WIZ: variants seen among roughly 807,000 people sequenced by gnomAD.
WIZ encodes protein Wiz.
A neutral mutation model predicts 140.2 loss-of-function variants in WIZ; 25 were observed. The ratio of observed to expected loss-of-function variants is 0.18; its 90% confidence interval spans 0.13 to 0.25. WIZ has a LOEUF of 0.25. WIZ is among the 10% of genes least tolerant of loss of function. The pLI is 1.00. For synonymous variants in WIZ, 1,125 were observed against 1,154.3 expected (o/e 0.97, Z 0.51); for missense variants, 2,231 against 2,632.6 (o/e 0.85, Z 3.34).
chr19:15,442,184 C>CA lies in WIZ; in HGVS notation c.278+491dup, dbSNP rs34791443. 5.5e-3 allele frequency among the ~76,000 whole-genome samples: 737 copies of CA among 134,690 alleles called. 13 individuals are homozygous for CA. Among genetic ancestry groups the CA allele is most frequent in the East Asian group, 0.051 (235 of 4,650 alleles). 88.4% of individuals were successfully genotyped at this position (134,690 alleles called of 152,430 possible). A position where few individuals can be genotyped will look rare whatever the true frequency, so the allele number is the denominator to read the frequency against. On this transcript the variant is annotated intron_variant, in intron 3 of 12. Transcript: ENST00000673675. The surrounding 1 kb of genome is among the most constrained non-coding windows in gnomAD (Gnocchi z 5.5). ...CCTGGGCGATAGAGTGAGACTTTCT[C>CA]AAAAAAAAAAAAAAAAGATGACTAT...
rs1015926355 is a variant in WIZ, at chr19:15,438,991, A to G, written c.2003T>C (p.Val668Ala). The G allele has an allele frequency of 5.4e-6, 8 of 1,474,350 alleles. No individual in the cohort carries two copies. Among genetic ancestry groups the G allele is most frequent in the Non-Finnish European group, 4.5e-6 (5 of 1,116,002 alleles). 91.3% of individuals were successfully genotyped at this position (1,474,350 alleles called of 1,614,324 possible). ...CTGCTGCTGCCCCTGGGTGGCCTCT[A>G]CTGCCTGCAGGGCCTCTCGGAATGC... ...KQAFREALQA[V>A]EATQGQQQQL... is the part of the protein sequence containing the mutation. The change falls in exon 4 of 13, where the codon GTA becomes GCA. Residue 668 changes from valine (V) to alanine (A), a missense_variant. Around this residue, in one of 15 missense-constraint regions of WIZ, gnomAD observed 475 missense variants for 520.2 expected, o/e 0.91. Coordinates refer to ENST00000673675, the MANE Select transcript of WIZ (RefSeq NM_001371589.1).
chr19:15,426,883 C>CG, intron 9 of WIZ, 99 bp downstream of exon 9: 9 of 1,425,904 alleles, frequency 6.3e-6, no homozygotes, highest in South Asian at 1.4e-5. Flanking sequence ...CGTGTCCTCC[C>CG]TTCCAATTCA....
chr19:15,429,670 T>C lies in WIZ; in HGVS notation c.3331A>G (p.Ser1111Gly). The change falls in exon 7 of 13, where the codon AGC (serine) becomes GGC (glycine). Residue 1111 changes from serine to glycine, a missense_variant. Coordinates refer to ENST00000673675, the MANE Select transcript of WIZ (RefSeq NM_001371589.1). ...CGGGGGCTCAGGGACAGCTGGGGGCTCTTGTCCTCAGGATTCTTAGGGGTA... is the reference window on the plus strand; with the variant it reads ...CGGGGGCTCAGGGACAGCTGGGGGCCCTTGTCCTCAGGATTCTTAGGGGTA... ...SPTPKNPEDK[S>G]PQLSLSPRPA... The C allele has an allele frequency of 1.4e-6, 2 of 1,429,734 alleles. No individual in the cohort carries two copies. The highest frequency in any genetic ancestry group is 1.8e-6 in the Non-Finnish European group (2 of 1,094,916). The allele number at this position is 1,429,734 out of a possible 1,614,324, so 88.6% of individuals were successfully genotyped here.
In WIZ at chr19:15,424,554, G is replaced by A. The variant is rs557932324; in HGVS notation, c.5314+59C>T. 1.9e-4 allele frequency: 291 copies of A among 1,535,864 alleles called. No homozygotes were observed. The highest frequency in any genetic ancestry group is 1.1e-3 in the South Asian group (93 of 81,408). ...GCCACAGCAGAGCGCCTGGGGAGTG[G>A]CTGGGTGGGCCTGACAGGTGCCCGC... On this transcript the variant is annotated intron_variant, in intron 11 of 12. Coordinates refer to ENST00000673675, the MANE Select transcript of WIZ (RefSeq NM_001371589.1). The surrounding 1 kb of genome is among the most constrained non-coding windows in gnomAD (Gnocchi z 9.7).
Position 15,439,234 on chromosome 19 carries a change from G to C in WIZ, c.1760C>G (p.Ser587Cys). 1 of 1,535,680 alleles carries C rather than the reference G, an allele frequency of 6.5e-7. No homozygotes were observed. Among genetic ancestry groups the C allele is most frequent in the Non-Finnish European group, 8.7e-7 (1 of 1,146,636 alleles). Residue 587 changes from serine (S) to cysteine (C), a missense_variant, in exon 4 of 13, where the codon TCC becomes TGC. Physicochemically the swap from Ser to Cys is moderately radical, Grantham distance 112. This residue lies in a region of WIZ where 475 missense variants were observed against 520.2 expected (regional missense o/e 0.91). Coordinates refer to ENST00000673675, the MANE Select transcript of WIZ (RefSeq NM_001371589.1). This position sits in a 1 kb window ranked among gnomAD's most constrained non-coding sequence, Gnocchi z 7.0. Reference protein sequence around the residue: ...GRLAFPSTLASTPYSLQLGRN... With the variant: ...GRLAFPSTLACTPYSLQLGRN... ...CCCGAGCTGTAAGGAGTAGGGGGTGGATGCTAGTGTGGAGGGAAAGGCCAG... is the reference window on the plus strand; with the variant it reads ...CCCGAGCTGTAAGGAGTAGGGGGTGCATGCTAGTGTGGAGGGAAAGGCCAG...
At chr19:15,436,300 G>C (rs1010385164) in intron 5 of WIZ, among the ~76,000 whole-genome samples, 8 of 152,200 alleles carry the variant, frequency 5.3e-5, no homozygotes, top group African/African-American at 1.9e-4. Context: ...ATACAACAAT[G>C]CTTCTCAAGA....
Position 15,425,036 on chromosome 19 carries a change from C to T in WIZ, c.4895-4G>A, listed in dbSNP as rs760550569. On this transcript the variant is annotated splice_polypyrimidine_tract_variant and splice_region_variant and intron_variant, in intron 10 of 12. Coordinates refer to ENST00000673675, the MANE Select transcript of WIZ (RefSeq NM_001371589.1). Reference sequence around the variant, plus strand: ...AGCTCGCAGCAGGCCTCGGTGGCTGCGGGGCGGAGGGGGTGCTGCTGAGTC... The same window carrying T: ...AGCTCGCAGCAGGCCTCGGTGGCTGTGGGGCGGAGGGGGTGCTGCTGAGTC... 6.0e-5 allele frequency: 94 copies of T among 1,569,100 alleles called. No individual in the cohort carries two copies. The highest frequency in any genetic ancestry group is 7.7e-5 in the Non-Finnish European group (89 of 1,160,776).
At position 15,448,319 on chromosome 19, in the gene WIZ, T is replaced by C. The variant is rs1448094614; in HGVS notation, c.-12A>G. The stretch of plus-strand genomic sequence containing the variant: ...AGAGACCCCTCCATCGGATTTTCTC[T>C]GCTTGGATCCACTCAGCTGCTGCAC... On this transcript the variant is annotated 5_prime_UTR_variant, in exon 2 of 13. Coordinates refer to ENST00000673675, the MANE Select transcript of WIZ (RefSeq NM_001371589.1). 1.2e-6 allele frequency: 2 copies of C among 1,610,670 alleles called. No individual in the cohort carries two copies. The highest frequency in any genetic ancestry group is 3.3e-5 in the Admixed American group (2 of 59,946).
chr19:15,427,547 A>C lies in WIZ; in HGVS notation c.3815-14T>G. 1 of 1,596,484 alleles carries C rather than the reference A, an allele frequency of 6.3e-7. No homozygotes were observed. Among genetic ancestry groups the C allele is most frequent in the Non-Finnish European group, 8.6e-7 (1 of 1,168,916 alleles). On this transcript the variant is annotated splice_polypyrimidine_tract_variant and intron_variant, in intron 8 of 12. Coordinates refer to ENST00000673675, the MANE Select transcript of WIZ (RefSeq NM_001371589.1). This position sits in a 1 kb window ranked among gnomAD's most constrained non-coding sequence, Gnocchi z 6.4. ...CTGGGCCTGAGGCTGCAGCAGGAGGAGAAAGGGGCAGTTAGCATCGTGGAA... is the reference window on the plus strand; with the variant it reads ...CTGGGCCTGAGGCTGCAGCAGGAGGCGAAAGGGGCAGTTAGCATCGTGGAA...
rs545538579 is a variant in WIZ, at chr19:15,432,040, G to C, written c.2741-858C>G. Among the ~76,000 whole-genome samples, 3 of 152,300 alleles carry C rather than the reference G, an allele frequency of 2.0e-5. No homozygotes were observed. In the East Asian group the frequency reaches 5.8e-4, roughly 29 times the overall value. On this transcript the variant is annotated intron_variant, in intron 5 of 12. Transcript: ENST00000673675. Reference sequence around the variant, plus strand: ...CATGTAGGTTCTATGCTCAGTTTGAGTCTCGCAGAAGCAAAGAGTAGGCGC... The same window carrying C: ...CATGTAGGTTCTATGCTCAGTTTGACTCTCGCAGAAGCAAAGAGTAGGCGC...
rs1458205876 is a variant in WIZ, at chr19:15,439,260, C to T, written c.1734G>A (p.Arg578=). ...ATGCTAGTGTGGAGGGAAAGGCCAG[C>T]CTTCCGAGAGGCCTCTGGCCCGTGC... ...LHGTGQRPLG[R]LAFPSTLAST... is the part of the protein sequence containing the mutation. The change falls in exon 4 of 13, where the codon AGG becomes AGA. Residue 578 remains arginine (R), a synonymous_variant. Transcript: ENST00000673675. This position sits in a 1 kb window ranked among gnomAD's most constrained non-coding sequence, Gnocchi z 7.0. 2 of 1,534,786 alleles carry T rather than the reference C, an allele frequency of 1.3e-6. No homozygotes were observed. The highest frequency in any genetic ancestry group is 3.9e-5 in the Admixed American group (2 of 50,856).
At position 15,439,577 on chromosome 19, in the gene WIZ, C is replaced by A. The variant is rs778885934; in HGVS notation, c.1417G>T (p.Ala473Ser). Residue 473 changes from alanine (A) to serine (S), a missense_variant, in exon 4 of 13, where the codon GCG becomes TCG. Physicochemically the swap from Ala to Ser is moderately conservative, Grantham distance 99. Around this residue, in one of 15 missense-constraint regions of WIZ, gnomAD observed 475 missense variants for 520.2 expected, o/e 0.91. Transcript: ENST00000673675. This position sits in a 1 kb window ranked among gnomAD's most constrained non-coding sequence, Gnocchi z 7.0. ...TCCCTGAGCAGGCTCTCGCTGGGCG[C>A]GGGGAAACCACAGAAGACACAGGCG... ...LSACVFCGFPAPSESLLREHV... is the reference protein window; with the variant it reads ...LSACVFCGFPSPSESLLREHV... 6.7e-7 allele frequency: 1 copy of A among 1,490,358 alleles called. No individual in the cohort carries two copies. Among genetic ancestry groups the A allele is most frequent in the South Asian group, 1.3e-5 (1 of 79,390 alleles). The allele number at this position is 1,490,358 out of a possible 1,614,324, so 92.3% of individuals were successfully genotyped here. A position where few individuals can be genotyped will look rare whatever the true frequency, so the allele number is the denominator to read the frequency against.
rs1969645035 is a variant in WIZ at position 15,439,423 on chromosome 19, T to G, written c.1571A>C (p.Tyr524Ser). The G allele has an allele frequency of 3.9e-6, 6 of 1,528,504 alleles. No individual in the cohort carries two copies. Among genetic ancestry groups the G allele is most frequent in the Non-Finnish European group, 1.8e-6 (2 of 1,141,938 alleles). The allele number at this position is 1,528,504 out of a possible 1,614,324, so 94.7% of individuals were successfully genotyped here. ...HACFPDTAVD[Y>S]FGKAEPSLAP... Reference sequence around the variant, plus strand: ...CAAGGACGGCTCAGCTTTGCCAAAGTAGTCCACAGCAGTGTCAGGGAAGCA... The same window carrying G: ...CAAGGACGGCTCAGCTTTGCCAAAGGAGTCCACAGCAGTGTCAGGGAAGCA... Residue 524 changes from tyrosine to serine, a missense_variant, in exon 4 of 13, where the codon TAC becomes TCC. Tyr to Ser is a moderately radical substitution (Grantham distance 144). Coordinates refer to ENST00000673675, the MANE Select transcript of WIZ (RefSeq NM_001371589.1). This position sits in a 1 kb window ranked among gnomAD's most constrained non-coding sequence, Gnocchi z 7.0.
Position 15,439,273 on chromosome 19 carries a change from C to T in WIZ, c.1721G>A (p.Arg574Lys), listed in dbSNP as rs1236144765. 2.6e-6 allele frequency: 4 copies of T among 1,534,968 alleles called. No individual in the cohort carries two copies. Among genetic ancestry groups the T allele is most frequent in the Admixed American group, 2.0e-5 (1 of 50,848 alleles). ...SKPLLHGTGQRPLGRLAFPST... is the reference protein window; with the variant it reads ...SKPLLHGTGQKPLGRLAFPST... ...GGGAAAGGCCAGCCTTCCGAGAGGC[C>T]TCTGGCCCGTGCCATGCAGGAGTGG... The change falls in exon 4 of 13, where the codon AGG becomes AAG. Residue 574 changes from arginine (R) to lysine (K), a missense_variant. Around this residue, in one of 15 missense-constraint regions of WIZ, gnomAD observed 475 missense variants for 520.2 expected, o/e 0.91. Transcript: ENST00000673675. This position sits in a 1 kb window ranked among gnomAD's most constrained non-coding sequence, Gnocchi z 7.0.
rs1290489380 is a variant in WIZ, at chr19:15,425,697, G to A, written c.4438C>T (p.Leu1480=). The change falls in exon 10 of 13, where the codon CTG becomes TTG. Residue 1480 remains leucine (L), a synonymous_variant. Transcript: ENST00000673675. ...CGEFFENRKG[L]SSHARSHLRQ... is the part of the protein sequence containing the mutation. ...AGGTGTGAGCGCGCGTGACTCGACAGGCCCTTGCGGTTCTCGAAGAACTCG... is the reference window on the plus strand; with the variant it reads ...AGGTGTGAGCGCGCGTGACTCGACAAGCCCTTGCGGTTCTCGAAGAACTCG... 1 of 1,613,026 alleles carries A rather than the reference G, an allele frequency of 6.2e-7. No homozygotes were observed. Among genetic ancestry groups the A allele is most frequent in the East Asian group, 2.2e-5 (1 of 44,826 alleles).
In WIZ at chr19:15,422,462, C is replaced by A. The variant is rs566987661; in HGVS notation, c.*614G>T. The A allele has an allele frequency of 6.6e-6, 1 of 152,140 alleles. No homozygotes were observed. Among genetic ancestry groups the A allele is most frequent in the South Asian group, 2.1e-4 (1 of 4,808 alleles). 9.4% of individuals were successfully genotyped at this position (152,140 alleles called of 1,614,324 possible). On this transcript the variant is annotated 3_prime_UTR_variant, in exon 13 of 13. Coordinates refer to ENST00000673675, the MANE Select transcript of WIZ (RefSeq NM_001371589.1). ...TCTTCCCAGCTGGGAAGGCCCCTCTCGGGGGCAGCCAACAAGGATTTCCGT... is the reference window on the plus strand; with the variant it reads ...TCTTCCCAGCTGGGAAGGCCCCTCTAGGGGGCAGCCAACAAGGATTTCCGT...
rs945309796 is a variant in WIZ, at chr19:15,442,634, C to T, written c.278+42G>A. ...CTGAGGCCTGGGCATGTCCTGCTTG[C>T]CCCCCTGCCCTCCCTGAGGTCAGGG... On this transcript the variant is annotated intron_variant, in intron 3 of 12. Transcript: ENST00000673675. The surrounding 1 kb of genome is among the most constrained non-coding windows in gnomAD (Gnocchi z 5.5). The T allele has an allele frequency of 2.1e-4, 251 of 1,216,918 alleles. No homozygotes were observed. Among genetic ancestry groups the T allele is most frequent in the Non-Finnish European group, 2.4e-4 (231 of 974,290 alleles). 75.4% of individuals were successfully genotyped at this position (1,216,918 alleles called of 1,614,324 possible).
chr19:15,424,732 C>T lies in WIZ; in HGVS notation c.5195G>A (p.Ser1732Asn). 1 of 1,572,616 alleles carries T rather than the reference C, an allele frequency of 6.4e-7. No homozygotes were observed. Residue 1732 changes from serine (S) to asparagine (N), a missense_variant, in exon 11 of 13, where the codon AGT becomes AAT. Physicochemically the swap from Ser to Asn is conservative, Grantham distance 46 (BLOSUM62 1). Around this residue, in one of 15 missense-constraint regions of WIZ, gnomAD observed 299 missense variants for 309.6 expected, o/e 0.97. Coordinates refer to ENST00000673675, the MANE Select transcript of WIZ (RefSeq NM_001371589.1). The surrounding 1 kb of genome is among the most constrained non-coding windows in gnomAD (Gnocchi z 9.7). Reference sequence around the variant, plus strand: ...CTCGGGCCCTGGCTCCCCTCCGGCACTGCGGCCGACCACGGCCAGGCCCCC... The same window carrying T: ...CTCGGGCCCTGGCTCCCCTCCGGCATTGCGGCCGACCACGGCCAGGCCCCC... ...APGGLAVVGR[S>N]AGGEPGPEAG...
Position 15,440,168 on chromosome 19 carries a change from G to A in WIZ, c.826C>T (p.Arg276Trp), listed in dbSNP as rs778473226. The change falls in exon 4 of 13, where the codon CGG becomes TGG. Residue 276 changes from arginine to tryptophan, a missense_variant. Physicochemically the swap from Arg to Trp is moderately radical, Grantham distance 101. Around this residue, in one of 15 missense-constraint regions of WIZ, gnomAD observed 307 missense variants for 294.1 expected, o/e 1.04. Coordinates refer to ENST00000673675, the MANE Select transcript of WIZ (RefSeq NM_001371589.1). This position sits in a 1 kb window ranked among gnomAD's most constrained non-coding sequence, Gnocchi z 6.2. ...ATCGGGGGCAGTAGCGGCTGCAGCC[G>A]CTCCACAGAAGCCTCCGAGTTCACT... ...WTVNSEASVE[R>W]LQPLLPPIRT... 2.5e-5 allele frequency: 38 copies of A among 1,531,998 alleles called. No individual in the cohort carries two copies. Among genetic ancestry groups the A allele is most frequent in the African/African-American group, 2.2e-4 (16 of 72,842 alleles). The allele number at this position is 1,531,998 out of a possible 1,614,324, so 94.9% of individuals were successfully genotyped here.
Sources: allele counts gnomAD v4.1 joint callset (sites outside exome capture counted in the v4.1 genomes callset), GRCh38; gene constraint gnomAD v4.1.1; regional missense constraint gnomAD v4.1.1; non-coding constraint Gnocchi (gnomAD v3.1); transcripts MANE v1.5; gene names NCBI Gene and HGNC (gene_info 2026-07-23, HGNC 2026-07-21).